The following TTC23L variants were observed in gnomAD, a reference collection of about 807,000 sequenced individuals.
TTC23L encodes tetratricopeptide repeat domain 23 like.
In TTC23L, 42 loss-of-function variants were observed where a neutral mutation model predicts 48.1. That is an observed-to-expected ratio of 0.87 (90% confidence interval 0.68 to 1.13). The LOEUF (loss-of-function observed/expected upper bound fraction) is 1.13, where lower values mean the gene tolerates loss of function less well. Among genes scored for constraint, TTC23L ranks in the 50% most tolerant of loss-of-function variants. TTC23L has a pLI of 0.00. For missense variants in TTC23L, 391 were observed against 421.0 expected (o/e 0.93, Z 0.62); for synonymous variants, 159 against 157.2 (o/e 1.01, Z -0.09).
chr5:34,915,526 C>G, the TTC23L span: 1 of 536,510 alleles, frequency 1.9e-6, no homozygotes, highest in East Asian at 3.3e-5. Context: ...CGCCACTCTT[C>G]AGACCGGCCC....
At chr5:34,849,108 AC>A (rs1369673280) in intron 3 of TTC23L, among the ~76,000 whole-genome samples, 3 of 152,174 alleles carry the variant, frequency 2.0e-5, no homozygotes. Flanking sequence ...CTATTGGGTA[AC>A]CAAAGAGTGG....
chr5:34,908,883 C>T, the TTC23L span: 10 of 1,612,850 alleles, frequency 6.2e-6, no homozygotes, highest in South Asian at 5.5e-5. Context: ...GTTATCTGTC[C>T]GAATAGATAC....
At chr5:34,903,528 T>C (rs969790725), downstream of TTC23L, among the ~76,000 whole-genome samples, 1 of 152,204 alleles carries the variant, frequency 6.6e-6, no homozygotes. Context: ...CTTGGTGGTA[T>C]ACATTCTGTG....
the TTC23L span, chr5:34,923,002 C>T: frequency 6.6e-7 from 1 of 1,524,612 alleles, no homozygotes; most frequent in Non-Finnish European, 9.1e-7. Context: ...TTTTTATAGG[C>T]TTTTGATGAA....
At chr5:34,887,823 T>C (rs978228222) in intron 9 of TTC23L, among the ~76,000 whole-genome samples, 1 of 152,216 alleles carries the variant, frequency 6.6e-6, no homozygotes, top group Admixed American at 6.5e-5. Context: ...ATCAGTGATA[T>C]CATTGAAGAC....
At chr5:34,853,460 G>A (rs376581243) in intron 4 of TTC23L, among the ~76,000 whole-genome samples, 47 of 152,280 alleles carry the variant, frequency 3.1e-4, no homozygotes, top group African/African-American at 1.1e-3. Context: ...GAACCAGGAG[G>A]TGGAGGTGGC....
In TTC23L at chr5:34,874,361, C is replaced by A. The variant is rs569659478; in HGVS notation, c.949+5348C>A. 3.9e-5 allele frequency among the ~76,000 whole-genome samples: 6 copies of A among 152,166 alleles called. No homozygotes were observed. In the South Asian group the frequency reaches 1.2e-3, roughly 32 times the overall value. ...TTCCTATTCTTAATCTAACAAATAA[C>A]AGTTTGTTCAAATTAGGAGCAGAAG... On this transcript the variant is annotated intron_variant, in intron 8 of 10. Coordinates refer to ENST00000505624, the Ensembl canonical transcript of TTC23L.
chr5:34,867,362 T>G (rs1761144422), intron 7 of TTC23L: 1 of 399,806 alleles, frequency 2.5e-6, no homozygotes, highest in East Asian at 4.5e-5. Context: ...AATGTGAGTC[T>G]ACTCCAAGGA....
intron 9 of TTC23L, among the ~76,000 whole-genome samples, chr5:34,896,358 C>T (rs948408413): frequency 5.9e-5 from 9 of 152,162 alleles, no homozygotes; most frequent in Admixed American, 2.0e-4. Context: ...CCCTGGGGTA[C>T]GGGTGGGGGA....
At chr5:34,846,673 G>A (rs1383629877) in intron 3 of TTC23L, among the ~76,000 whole-genome samples, 5 of 71,778 alleles carry the variant, frequency 7.0e-5, no homozygotes, top group South Asian at 1.6e-3. Flanking sequence ...GTGTATGTGT[G>A]TGTGTGTGTG....
At chr5:34,892,759 C>T (rs997764720) in intron 9 of TTC23L, among the ~76,000 whole-genome samples, 2 of 152,030 alleles carry the variant, frequency 1.3e-5, no homozygotes, top group Admixed American at 6.6e-5. Context: ...AGCATAGTGG[C>T]GTAGATACCC....
At chr5:34,917,032 C>T in the TTC23L span, among the ~76,000 whole-genome samples, 1 of 151,962 alleles carries the variant, frequency 6.6e-6, no homozygotes, top group Non-Finnish European at 1.5e-5. Context: ...ATTATTTTTA[C>T]CCTAGTATAA....
At chr5:34,918,555 T>C in the TTC23L span, 64 of 803,898 alleles carry the variant, frequency 8.0e-5, no homozygotes, top group African/African-American at 1.1e-3. Context: ...TTATATATTC[T>C]TCATTTGTTC....
chr5:34,901,821 G>A (rs1763518745), downstream of TTC23L, among the ~76,000 whole-genome samples: 1 of 152,084 alleles, frequency 6.6e-6, no homozygotes, highest in Non-Finnish European at 1.5e-5. Context: ...ATTTGTTCAA[G>A]GTCAGCTTGG....
At chr5:34,843,028 G>A (rs1024050429) in intron 2 of TTC23L, among the ~76,000 whole-genome samples, 3 of 152,148 alleles carry the variant, frequency 2.0e-5, no homozygotes, top group Non-Finnish European at 2.9e-5. Flanking sequence ...GGCTGGTCTC[G>A]AACTCCTGAC....
intron 4 of TTC23L, among the ~76,000 whole-genome samples, chr5:34,857,968 T>C (rs1267304573): frequency 2.9e-5 from 4 of 139,966 alleles, no homozygotes; most frequent in Non-Finnish European, 6.5e-5. Context: ...CCTCCAAAGA[T>C]TGGGTAGCTC....
At chr5:34,911,445 T>A in the TTC23L span, 2 of 1,362,646 alleles carry the variant, frequency 1.5e-6, no homozygotes, top group Admixed American at 2.2e-5. Context: ...TCTAAAGTTG[T>A]GAAAACTCTA....
At chr5:34,864,396 A>T (rs770011422) in intron 5 of TTC23L, 41 bp from the exon 6 acceptor site, 41 of 1,609,430 alleles carry the variant, frequency 2.5e-5, no homozygotes, top group Middle Eastern at 3.3e-4. Flanking sequence ...TGTGCAGTGG[A>T]TGTTAGTTTG....
intron 8 of TTC23L, among the ~76,000 whole-genome samples, chr5:34,874,588 T>A (rs1214775941): frequency 6.6e-6 from 1 of 152,068 alleles, no homozygotes; most frequent in Non-Finnish European, 1.5e-5. Context: ...CTGGGTGCAG[T>A]GGCTCATGCC....
Sources: allele counts gnomAD v4.1 joint callset (sites outside exome capture counted in the v4.1 genomes callset), GRCh38; gene constraint gnomAD v4.1.1; transcripts MANE v1.5; gene names NCBI Gene and HGNC (gene_info 2026-07-23, HGNC 2026-07-21).